The following ZZEF1 variants were observed in gnomAD, a reference collection of about 807,000 sequenced individuals.
ZZEF1 encodes the protein zinc finger ZZ-type and EF-hand domain containing 1, also known as zinc finger ZZ-type and EF-hand domain-containing protein 1.
In ZZEF1, 157 loss-of-function variants were observed where a neutral mutation model predicts 342.8. The observed-to-expected ratio is 0.46, with a 90% CI of 0.40 to 0.52. ZZEF1 has a LOEUF of 0.52. Ranked by LOEUF, ZZEF1 falls within the 20% of genes least tolerant of loss-of-function variation. The pLI, the probability that ZZEF1 is intolerant of heterozygous loss-of-function variation, is 0.00. For synonymous variants in ZZEF1, 1,505 were observed against 1,429.1 expected (o/e 1.05, Z -1.20); for missense variants, 3,480 against 3,725.6 (o/e 0.93, Z 1.72).
rs1289070883 is a variant in ZZEF1, at chr17:4,021,188, C to G, written c.7345G>C (p.Glu2449Gln). 1 of 1,614,184 alleles carries G rather than the reference C, an allele frequency of 6.2e-7. No individual in the cohort carries two copies. Among genetic ancestry groups the G allele is most frequent in the South Asian group, 1.1e-5 (1 of 91,072 alleles). Residue 2449 changes from glutamate to glutamine, a missense_variant, in exon 45 of 55, where the codon GAG becomes CAG. By Grantham distance (29) the Glu-to-Gln change is conservative. Coordinates refer to ENST00000381638, the MANE Select transcript of ZZEF1 (RefSeq NM_015113.4). ...TCAAGGGGGTCCAGCTTTTTCTGCT[C>G]TGGGTCGCCAGGGCTGCTGACTGGC... Reference protein sequence around the residue: ...ERPVSSPGDPEQKKLDPLEGL... With the variant: ...ERPVSSPGDPQQKKLDPLEGL...
chr17:4,007,059 ATGTGGGG>A (rs986558324), intron 54 of ZZEF1, 89 bp from the exon 55 acceptor site: 12 of 1,211,758 alleles, frequency 9.9e-6, no homozygotes, highest in Non-Finnish European at 1.4e-5. Flanking sequence ...AGCACTGAGG[ATGTGGGG>A]ACGGAGGAGG....
chr17:4,102,314 C>G lies in ZZEF1; in HGVS notation c.1672+3G>C. 1 of 1,613,322 alleles carries G rather than the reference C, an allele frequency of 6.2e-7. No individual in the cohort carries two copies. ...ACTAGAAACAGACAGACCCACCACT[C>G]ACCATCCCTTGTCCACGGTTCAACA... On this transcript the variant is annotated splice_donor_region_variant and intron_variant, in intron 9 of 54. Transcript: ENST00000381638.
At chr17:4,094,840 C>G (rs2058005873) in intron 11 of ZZEF1, among the ~76,000 whole-genome samples, 1 of 152,194 alleles carries the variant, frequency 6.6e-6, no homozygotes, top group South Asian at 2.1e-4. Context: ...GAGTCACCCA[C>G]TGGCTTCCTA....
chr17:4,110,584 A>C (rs966800628), intron 5 of ZZEF1, among the ~76,000 whole-genome samples: 1 of 152,256 alleles, frequency 6.6e-6, no homozygotes, highest in African/African-American at 2.4e-5. Context: ...TGAACGAAAT[A>C]AGCCCAGAAA....
At chr17:4,082,796 A>G (rs2057748442) in intron 16 of ZZEF1, among the ~76,000 whole-genome samples, 1 of 151,746 alleles carries the variant, frequency 6.6e-6, no homozygotes, top group Non-Finnish European at 1.5e-5. Context: ...TTTTTTTGAG[A>G]CGGAATTTCG....
At position 4,013,462 on chromosome 17, in the gene ZZEF1, A is replaced by G. The variant is rs200191867; in HGVS notation, c.8566T>C (p.Cys2856Arg). 12 of 1,610,294 alleles carry G rather than the reference A, an allele frequency of 7.5e-6. No individual in the cohort carries two copies. The African/African-American group carries it at 1.2e-4, about 16-fold the overall frequency. Residue 2856 changes from cysteine to arginine, a missense_variant, in exon 52 of 55, where the codon TGC (cysteine) becomes CGC (arginine). Coordinates refer to ENST00000381638, the MANE Select transcript of ZZEF1 (RefSeq NM_015113.4). ...GACACCGCTTACCTGTGGCCGCAGCATCGCACAATCCTCAGAAGTAAGTGG... is the reference window on the plus strand; with the variant it reads ...GACACCGCTTACCTGTGGCCGCAGCGTCGCACAATCCTCAGAAGTAAGTGG... Reference protein sequence around the residue: ...AIHLLLRIVRCCGHSDLCDLA... With the variant: ...AIHLLLRIVRRCGHSDLCDLA...
At chr17:4,115,843 T>A (rs1161664309) in intron 3 of ZZEF1, among the ~76,000 whole-genome samples, 2 of 152,188 alleles carry the variant, frequency 1.3e-5, no homozygotes, top group Non-Finnish European at 2.9e-5. Flanking sequence ...GTGAGCAAGG[T>A]TAATTTTCAT....
At chr17:4,072,495 C>T in intron 25 of ZZEF1, 113 bp downstream of exon 25, 1 of 1,305,010 alleles carries the variant, frequency 7.7e-7, no homozygotes, top group African/African-American at 1.5e-5. Flanking sequence ...CCTCAAGGAG[C>T]TAACTGCTTA....
intron 25 of ZZEF1, chr17:4,071,219 A>C (rs1246135795): frequency 2.0e-5 from 6 of 306,082 alleles, no homozygotes; most frequent in Non-Finnish European, 2.4e-5. Flanking sequence ...GGTAGGTTAA[A>C]GTAATTAAGA....
At chr17:4,007,062 T>TG in intron 54 of ZZEF1, 92 bp from the exon 55 acceptor site, 2 of 1,203,184 alleles carry the variant, frequency 1.7e-6, no homozygotes, top group Non-Finnish European at 2.3e-6. Flanking sequence ...ACTGAGGATG[T>TG]GGGGACGGAG....
chr17:4,141,885 A>C (rs533930514), intron 1 of ZZEF1, among the ~76,000 whole-genome samples: 1 of 152,338 alleles, frequency 6.6e-6, no homozygotes, highest in South Asian at 2.1e-4. Context: ...TGCTCTCTTA[A>C]TGACTTAGCA....
chr17:4,078,050 G>A lies in ZZEF1; in HGVS notation c.2830-8C>T. ...GAGCATTAACAGCTCGCACTACAAG[G>A]GAGGAGACAAACAGAAAGTGTTCGT... is the stretch of plus-strand genomic sequence containing the variant. On this transcript the variant is annotated splice_polypyrimidine_tract_variant and splice_region_variant and intron_variant, in intron 18 of 54. Transcript: ENST00000381638. 6.2e-7 allele frequency: 1 copy of A among 1,610,282 alleles called. No individual in the cohort carries two copies.
intron 30 of ZZEF1, among the ~76,000 whole-genome samples, chr17:4,061,760 G>C (rs1427850905): frequency 6.6e-6 from 1 of 151,908 alleles, no homozygotes; most frequent in East Asian, 1.9e-4. Flanking sequence ...CGTAAGTCCT[G>C]ACAACTCTAC....
rs1332478403 is a variant in ZZEF1 at position 4,095,873 on chromosome 17, T to C, written c.1871A>G (p.Asp624Gly). The C allele has an allele frequency of 9.3e-6, 15 of 1,613,594 alleles. No homozygotes were observed. The highest frequency in any genetic ancestry group is 1.3e-5 in the Non-Finnish European group (15 of 1,179,718). ...CCTGAGCTCCTGAAGCTTCCATTTG[T>C]CATATTTTTCAAACCTTTTGAAGTG... is the stretch of plus-strand genomic sequence containing the variant. ...EEHFKRFEKYDKWKLQELRQF... is the reference protein window; with the variant it reads ...EEHFKRFEKYGKWKLQELRQF... The change falls in exon 11 of 55, where the codon GAC becomes GGC. Residue 624 changes from aspartate (D) to glycine (G), a missense_variant. Physicochemically the swap from Asp to Gly is moderately conservative, Grantham distance 94. This residue lies in a region of ZZEF1 where 1,528 missense variants were observed against 1,624.1 expected (regional missense o/e 0.94). Coordinates refer to ENST00000381638, the MANE Select transcript of ZZEF1 (RefSeq NM_015113.4).
intron 3 of ZZEF1, among the ~76,000 whole-genome samples, chr17:4,115,005 A>G (rs2058371488): frequency 6.6e-6 from 1 of 152,078 alleles, no homozygotes; most frequent in Non-Finnish European, 1.5e-5. Context: ...TTGAGTGTTT[A>G]CTATAACCCA....
chr17:4,024,564 T>C (rs1441020409), intron 43 of ZZEF1, among the ~76,000 whole-genome samples: 3 of 152,132 alleles, frequency 2.0e-5, no homozygotes, highest in Non-Finnish European at 4.4e-5. Context: ...GCTCATCCCC[T>C]AGGAGGCTAG....
intron 16 of ZZEF1, among the ~76,000 whole-genome samples, chr17:4,083,637 CTTTTTTTT>C (rs35907843): frequency 8.4e-6 from 1 of 118,668 alleles, no homozygotes; most frequent in Non-Finnish European, 1.8e-5. Context: ...GCTTTTGTTC[CTTTTTTTT>C]TTTTTTTTTT....
chr17:4,133,931 C>A (rs1183429538), intron 1 of ZZEF1, among the ~76,000 whole-genome samples: 1 of 152,016 alleles, frequency 6.6e-6, no homozygotes, highest in Non-Finnish European at 1.5e-5. Context: ...TCTCAAACTC[C>A]TGGGGTCAAG....
chr17:4,017,825 G>C lies in ZZEF1; in HGVS notation c.7641+11C>G. On this transcript the variant is annotated intron_variant, in intron 47 of 54. Transcript: ENST00000381638. The surrounding 1 kb of genome is among the most constrained non-coding windows in gnomAD (Gnocchi z 5.1). ...GTGCAGATACTTTGGGTCCGAGGTC[G>C]GGTGACATACCAAGCATGGCAGGAT... 1 of 1,614,124 alleles carries C rather than the reference G, an allele frequency of 6.2e-7. No individual in the cohort carries two copies. Among genetic ancestry groups the C allele is most frequent in the Non-Finnish European group, 8.5e-7 (1 of 1,180,024 alleles).
Sources: allele counts gnomAD v4.1 joint callset (sites outside exome capture counted in the v4.1 genomes callset), GRCh38; gene constraint gnomAD v4.1.1; regional missense constraint gnomAD v4.1.1; non-coding constraint Gnocchi (gnomAD v3.1); transcripts MANE v1.5; gene names NCBI Gene and HGNC (gene_info 2026-07-23, HGNC 2026-07-21).